Variants in DLC1 observed in about 807,000 individuals in gnomAD.
The protein encoded by DLC1 is rho GTPase-activating protein 7.
A neutral mutation model predicts 140.3 loss-of-function variants in DLC1; 54 were observed. The ratio of observed to expected loss-of-function variants is 0.38; its 90% CI spans 0.31 to 0.48. DLC1 has a LOEUF of 0.48. DLC1 is among the 20% of genes least tolerant of loss of function. DLC1 has a pLI of 0.96. For missense variants in DLC1, 2,536 were observed against 1,907.0 expected, an observed-to-expected ratio of 1.33 and a Z score of -6.14; for synonymous variants, 986 against 728.1, an observed-to-expected ratio of 1.35 and a Z score of -5.70.
At chr8:13,494,647 G>C (rs1363018509) in intron 2 of DLC1, among the ~76,000 whole-genome samples, 1 of 152,070 alleles carries the variant, frequency 6.6e-6, no homozygotes. Flanking sequence ...CAAATCTATA[G>C]CCTAATTAAT....
chr8:13,248,329 T>C (rs966282918), intron 5 of DLC1, among the ~76,000 whole-genome samples: 58 of 152,108 alleles, frequency 3.8e-4, no homozygotes, highest in Non-Finnish European at 1.3e-4. Context: ...AAACCTCTTT[T>C]CCTGAAGCCT....
chr8:13,236,979 A>G (rs1382101519), intron 5 of DLC1, among the ~76,000 whole-genome samples: 1 of 152,084 alleles, frequency 6.6e-6, no homozygotes, highest in African/African-American at 2.4e-5. Context: ...ACCTTTTCAG[A>G]TTACAAATTT....
At chr8:13,413,255 G>GGTTTTTTTTTTTTTT (rs1461897724) in intron 2 of DLC1, among the ~76,000 whole-genome samples, 2 of 30,138 alleles carry the variant, frequency 6.6e-5, no homozygotes, top group Non-Finnish European at 1.7e-4. Flanking sequence ...ATTTTTTTGC[G>GGTTTTTTTTTTTTTT]ATTTTTTTTT....
intron 5 of DLC1, among the ~76,000 whole-genome samples, chr8:13,127,361 C>A (rs1057289966): frequency 6.6e-6 from 1 of 152,310 alleles, no homozygotes; most frequent in South Asian, 2.1e-4. Flanking sequence ...TGCATCTCAG[C>A]CGCCCCTCAG....
chr8:13,245,178 CTG>C (rs1563194215), intron 5 of DLC1, among the ~76,000 whole-genome samples: 1 of 152,198 alleles, frequency 6.6e-6, no homozygotes. Flanking sequence ...GGTGGCCACA[CTG>C]TGAGGAAGCC....
At chr8:13,234,097 A>G (rs1188287) in intron 5 of DLC1, among the ~76,000 whole-genome samples, 71,953 of 151,966 alleles carry the variant, frequency 0.47, 17,546 homozygotes, top group East Asian at 0.8. Flanking sequence ...GCCAATGACA[A>G]CAGTAGTCTT....
chr8:13,387,459 C>G (rs948075040), intron 4 of DLC1, among the ~76,000 whole-genome samples: 3 of 151,496 alleles, frequency 2.0e-5, no homozygotes, highest in Admixed American at 6.6e-5. Flanking sequence ...TTAAATGATA[C>G]TTTAAAATGA....
At chr8:13,404,196 C>G (rs1837424183) in intron 2 of DLC1, among the ~76,000 whole-genome samples, 1 of 152,052 alleles carries the variant, frequency 6.6e-6, no homozygotes, top group Non-Finnish European at 1.5e-5. Flanking sequence ...TTCTTAGGAG[C>G]AGGAAATGGG....
chr8:13,447,752 G>C (rs987536944), intron 2 of DLC1, among the ~76,000 whole-genome samples: 9 of 152,090 alleles, frequency 5.9e-5, no homozygotes, highest in Non-Finnish European at 8.8e-5. Context: ...TGGAGTATGA[G>C]GTGTTATTAG....
chr8:13,223,382 C>T (rs911375799), intron 5 of DLC1, among the ~76,000 whole-genome samples: 2 of 152,172 alleles, frequency 1.3e-5, no homozygotes, highest in Non-Finnish European at 2.9e-5. Flanking sequence ...TAAATGCTCA[C>T]TTTAAATAAT....
At chr8:13,471,459 GGAAGGAAGGAAT>G (rs1800202440) in intron 2 of DLC1, among the ~76,000 whole-genome samples, 1 of 145,190 alleles carries the variant, frequency 6.9e-6, no homozygotes, top group Non-Finnish European at 1.5e-5. Context: ...AAAAGAGTGA[GGAAGGAAGGAAT>G]GAAGGAAGGA....
intron 4 of DLC1, among the ~76,000 whole-genome samples, chr8:13,311,605 T>TC (rs1217032766): frequency 1.3e-5 from 2 of 152,148 alleles, no homozygotes; most frequent in African/African-American, 2.4e-5. Flanking sequence ...TGAGATTTAT[T>TC]CCCCCCCTTA....
chr8:13,580,121 A>ATTTTTATT (rs71207167), intron 1 of DLC1, among the ~76,000 whole-genome samples: 3 of 150,472 alleles, frequency 2.0e-5, no homozygotes, highest in Non-Finnish European at 2.9e-5. Flanking sequence ...AGTTGGTTAC[A>ATTTTTATT]TTTATTTTTT....
chr8:13,581,094 A>T (rs1044853143), intron 1 of DLC1, among the ~76,000 whole-genome samples: 1 of 152,222 alleles, frequency 6.6e-6, no homozygotes, highest in Non-Finnish European at 1.5e-5. Flanking sequence ...ATTACAAAGT[A>T]TTTACTAATC....
At chr8:13,570,932 G>C (rs1210339906) in intron 1 of DLC1, among the ~76,000 whole-genome samples, 3 of 152,128 alleles carry the variant, frequency 2.0e-5, no homozygotes, top group Non-Finnish European at 4.4e-5. Flanking sequence ...TTTACTTGCT[G>C]GGCCATGGTG....
chr8:13,572,199 C>G (rs564704071), intron 1 of DLC1, among the ~76,000 whole-genome samples: 2 of 151,488 alleles, frequency 1.3e-5, no homozygotes, highest in African/African-American at 4.9e-5. Flanking sequence ...ACACCATTCT[C>G]CTGCCTCAGC....
intron 5 of DLC1, among the ~76,000 whole-genome samples, chr8:13,279,100 T>C (rs1041089766): frequency 8.5e-5 from 13 of 152,232 alleles, no homozygotes; most frequent in African/African-American, 3.1e-4. Context: ...TATGAGCTAA[T>C]GCTCTTTAAT....
intron 5 of DLC1, among the ~76,000 whole-genome samples, chr8:13,272,187 C>G (rs1194222755): frequency 1.3e-5 from 2 of 152,170 alleles, no homozygotes; most frequent in Non-Finnish European, 2.9e-5. Context: ...GTGGCTCATG[C>G]CTGTAATCTC....
chr8:13,127,045 T>A (rs7010504), intron 5 of DLC1, among the ~76,000 whole-genome samples: 1 of 152,118 alleles, frequency 6.6e-6, no homozygotes, highest in Non-Finnish European at 1.5e-5. Flanking sequence ...CATTTCTATG[T>A]CAAACCTCAA....
Sources: gnomAD v4.1 joint callset for allele counts (sites outside exome capture counted in the v4.1 genomes callset) on GRCh38, gnomAD v4.1.1 for gene constraint, MANE v1.5 for transcripts, NCBI Gene and HGNC (gene_info 2026-07-23, HGNC 2026-07-21) for gene names.